The following EPS8 variants were observed in gnomAD, a reference collection of about 807,000 sequenced individuals.
EPS8 encodes epidermal growth factor receptor kinase substrate 8.
A neutral mutation model predicts 103.8 loss-of-function variants in EPS8; 42 were observed. That is an observed-to-expected ratio of 0.40 (90% CI 0.32 to 0.52). The LOEUF is 0.52. Ranked by LOEUF, EPS8 falls within the 20% of genes least tolerant of loss-of-function variation. EPS8 has a pLI of 0.40. For missense variants in EPS8, 969 were observed against 1,005.1 expected (o/e 0.96, Z 0.49); for synonymous variants, 344 against 344.6 (o/e 1.00, Z 0.02).
intron 12 of EPS8, among the ~76,000 whole-genome samples, chr12:15,655,662 A>T (rs906879741): frequency 6.6e-6 from 1 of 152,242 alleles, no homozygotes; most frequent in Non-Finnish European, 1.5e-5. Context: ...AAATGAGTAG[A>T]GGAATATAAA....
Position 15,757,623 on chromosome 12 carries a change from C to T in EPS8, c.-22+31538G>A, listed in dbSNP as rs906642385. 6.6e-6 allele frequency among the ~76,000 whole-genome samples: 1 copy of T among 150,680 alleles called. No individual in the cohort carries two copies. The highest frequency in any genetic ancestry group is 2.0e-4 in the East Asian group (1 of 5,128). Reference sequence around the variant, plus strand: ...CCAGCCTGGCAACAGAGCGAGACTCCGTCTGAAGAAAAAAAAAAGAAAAAG... The same window carrying T: ...CCAGCCTGGCAACAGAGCGAGACTCTGTCTGAAGAAAAAAAAAAGAAAAAG... On this transcript the variant is annotated intron_variant, in intron 1 of 20. Coordinates refer to ENST00000281172, the MANE Select transcript of EPS8 (RefSeq NM_004447.6). The surrounding 1 kb of genome is among the most constrained non-coding windows in gnomAD (Gnocchi z 4.1).
intron 14 of EPS8, among the ~76,000 whole-genome samples, chr12:15,647,702 G>C (rs1252328191): frequency 2.0e-5 from 3 of 152,216 alleles, no homozygotes; most frequent in African/African-American, 7.2e-5. Context: ...TGACAGTCAA[G>C]AGTCCAGGAT....
intron 9 of EPS8, among the ~76,000 whole-genome samples, chr12:15,661,737 G>A (rs541647118): frequency 1.9e-4 from 29 of 152,200 alleles, no homozygotes; most frequent in African/African-American, 5.8e-4. Context: ...AATAAAAATT[G>A]TACCATTCCT....
intron 8 of EPS8, among the ~76,000 whole-genome samples, chr12:15,663,938 A>T (rs374289193): frequency 0.15 from 5,337 of 36,262 alleles, 486 homozygotes; most frequent in Middle Eastern, 0.24. Context: ...AAAAAAAAAA[A>T]AAAAAAAATA....
rs911690725 is a variant in EPS8 at position 15,771,623 on chromosome 12, G to C, written c.-22+17538C>G. On this transcript the variant is annotated intron_variant, in intron 1 of 20. Transcript: ENST00000281172. The surrounding 1 kb of genome is among the most constrained non-coding windows in gnomAD (Gnocchi z 4.6). ...GTTGCATATGGCAGGTAAAGGAGAAGGGGGGTCATGGATGTGTTCTTCTAA... is the reference window on the plus strand; with the variant it reads ...GTTGCATATGGCAGGTAAAGGAGAACGGGGGTCATGGATGTGTTCTTCTAA... Among the ~76,000 whole-genome samples the C allele has an allele frequency of 6.6e-6, 1 of 152,042 alleles. No homozygotes were observed. The highest frequency in any genetic ancestry group is 2.4e-5 in the African/African-American group (1 of 41,400).
chr12:15,763,692 G>A (rs1412066685), intron 1 of EPS8, among the ~76,000 whole-genome samples: 1 of 152,146 alleles, frequency 6.6e-6, no homozygotes, highest in African/African-American at 2.4e-5. Context: ...TGCACACGCT[G>A]CATGGCACTC....
Position 15,761,068 on chromosome 12 carries a change from T to C in EPS8, c.-22+28093A>G, listed in dbSNP as rs1947036479. ...AACCTAAAGACACCACATCAAAAAC[T>C]ATTAAAACTGATAAATTCATTAAAG... On this transcript the variant is annotated intron_variant, in intron 1 of 20. Coordinates refer to ENST00000281172, the MANE Select transcript of EPS8 (RefSeq NM_004447.6). This position sits in a 1 kb window ranked among gnomAD's most constrained non-coding sequence, Gnocchi z 4.5. 6.6e-6 allele frequency among the ~76,000 whole-genome samples: 1 copy of C among 151,976 alleles called. No individual in the cohort carries two copies.
chr12:15,639,851 G>C (rs73311014), intron 17 of EPS8, among the ~76,000 whole-genome samples: 5,297 of 152,226 alleles, frequency 0.035, 302 homozygotes, highest in African/African-American at 0.12. Flanking sequence ...ATTATTATGA[G>C]GTCAGATGTG....
In EPS8 at chr12:15,778,939, G is replaced by A. The variant is rs1181946693; in HGVS notation, c.-22+10222C>T. Reference sequence around the variant, plus strand: ...GAAATCCAAGTCCCCAAAAAAGAAGGCAAACCAAGATTTTAAAATGTAACA... The same window carrying A: ...GAAATCCAAGTCCCCAAAAAAGAAGACAAACCAAGATTTTAAAATGTAACA... On this transcript the variant is annotated intron_variant, in intron 1 of 20. Coordinates refer to ENST00000281172, the MANE Select transcript of EPS8 (RefSeq NM_004447.6). This position sits in a 1 kb window ranked among gnomAD's most constrained non-coding sequence, Gnocchi z 4.5. Among the ~76,000 whole-genome samples, 1 of 151,226 alleles carries A rather than the reference G, an allele frequency of 6.6e-6. No individual in the cohort carries two copies. Among genetic ancestry groups the A allele is most frequent in the Non-Finnish European group, 1.5e-5 (1 of 67,932 alleles).
At chr12:15,766,273 T>C (rs934567554) in intron 1 of EPS8, among the ~76,000 whole-genome samples, 2 of 145,328 alleles carry the variant, frequency 1.4e-5, no homozygotes, top group African/African-American at 5.1e-5. Flanking sequence ...AGGTCAGGAG[T>C]TTCAGACCAT....
intron 1 of EPS8, among the ~76,000 whole-genome samples, chr12:15,774,561 CATAT>C (rs113650528): frequency 6.9e-6 from 1 of 145,232 alleles, no homozygotes; most frequent in African/African-American, 2.5e-5. Context: ...TATACATATA[CATAT>C]ATATATATAT....
intron 1 of EPS8, among the ~76,000 whole-genome samples, chr12:15,722,530 A>G (rs1175743277): frequency 6.6e-6 from 1 of 152,198 alleles, no homozygotes; most frequent in African/African-American, 2.4e-5. Context: ...CCATCTCTAA[A>G]TTATTAATAC....
At chr12:15,636,560 T>C (rs1372811192) in intron 17 of EPS8, among the ~76,000 whole-genome samples, 1 of 152,174 alleles carries the variant, frequency 6.6e-6, no homozygotes, top group African/African-American at 2.4e-5. Flanking sequence ...CAGAACAGAA[T>C]CTCTGATAAA....
At position 15,697,282 on chromosome 12, in the gene EPS8, T is replaced by A. The variant is rs555026546; in HGVS notation, c.-21-14310A>T. Among the ~76,000 whole-genome samples, 7 of 152,364 alleles carry A rather than the reference T, an allele frequency of 4.6e-5. No homozygotes were observed. The highest frequency in any genetic ancestry group is 8.8e-5 in the Non-Finnish European group (6 of 68,040). ...CTGGATATCACTTACATGGCATAAC[T>A]GCTGTCCCCCATTCTAAGCCAAATG... On this transcript the variant is annotated intron_variant, in intron 1 of 20. Coordinates refer to ENST00000281172, the MANE Select transcript of EPS8 (RefSeq NM_004447.6). The surrounding 1 kb of genome is among the most constrained non-coding windows in gnomAD (Gnocchi z 5.6).
At chr12:15,644,553 C>T (rs991552608) in intron 15 of EPS8, among the ~76,000 whole-genome samples, 2 of 152,050 alleles carry the variant, frequency 1.3e-5, no homozygotes, top group Non-Finnish European at 2.9e-5. Context: ...AAAAAATTAG[C>T]CGGGCATGGT....
Position 15,698,610 on chromosome 12 carries a change from G to A in EPS8, c.-21-15638C>T, listed in dbSNP as rs1946272131. Reference sequence around the variant, plus strand: ...AGAAGCCCCAGGAATAGCACGTACCGGCACATAGTAGCACATTCAAACTAT... The same window carrying A: ...AGAAGCCCCAGGAATAGCACGTACCAGCACATAGTAGCACATTCAAACTAT... On this transcript the variant is annotated intron_variant, in intron 1 of 20. Coordinates refer to ENST00000281172, the MANE Select transcript of EPS8 (RefSeq NM_004447.6). This position sits in a 1 kb window ranked among gnomAD's most constrained non-coding sequence, Gnocchi z 4.9. Among the ~76,000 whole-genome samples the A allele has an allele frequency of 6.6e-6, 1 of 151,312 alleles. No homozygotes were observed. The highest frequency in any genetic ancestry group is 2.1e-4 in the South Asian group (1 of 4,798).
chr12:15,676,314 T>C (rs1040103909), intron 3 of EPS8, among the ~76,000 whole-genome samples: 1 of 149,584 alleles, frequency 6.7e-6, no homozygotes, highest in Non-Finnish European at 1.5e-5. Context: ...TAGAACCTAT[T>C]CACTAAGAAC....
At position 15,623,607 on chromosome 12, in the gene EPS8, A is replaced by G. The variant is rs142884931; in HGVS notation, c.2226-320T>C. Among the ~76,000 whole-genome samples, 5 of 152,322 alleles carry G rather than the reference A, an allele frequency of 3.3e-5. No homozygotes were observed. The East Asian group carries it at 9.6e-4, about 29-fold the overall frequency. ...TAACTTTCTAGTAACCTGGCAATTG[A>G]CTAACCATTGTATCTCATTTTTCAA... On this transcript the variant is annotated intron_variant, in intron 19 of 20. Transcript: ENST00000281172.
At chr12:15,653,395 T>A (rs1409907390) in intron 13 of EPS8, among the ~76,000 whole-genome samples, 1 of 151,398 alleles carries the variant, frequency 6.6e-6, no homozygotes, top group Non-Finnish European at 1.5e-5. Flanking sequence ...AGCCCTCATC[T>A]CTATATGCTC....
Sources: allele counts gnomAD v4.1 joint callset (sites outside exome capture counted in the v4.1 genomes callset), GRCh38; gene constraint gnomAD v4.1.1; non-coding constraint Gnocchi (gnomAD v3.1); transcripts MANE v1.5; gene names NCBI Gene and HGNC (gene_info 2026-07-23, HGNC 2026-07-21).